The following ERC2 variants were observed in gnomAD, a reference collection of about 807,000 sequenced individuals.
ERC2 encodes ERC protein 2.
Under a neutral mutation model 114.8 loss-of-function variants are expected in ERC2, and 42 were observed. That is an observed-to-expected ratio of 0.37 (90% confidence interval 0.29 to 0.47). The LOEUF (loss-of-function observed/expected upper bound fraction) is 0.47. Ranked by LOEUF, ERC2 falls within the 20% of genes least tolerant of loss-of-function variation. The pLI is 0.99. For missense variants in ERC2, 939 were observed against 1,150.7 expected, an observed-to-expected ratio of 0.82 and a Z score of 2.66; for synonymous variants, 454 against 425.5, an observed-to-expected ratio of 1.07 and a Z score of -0.82.
intron 6 of ERC2, among the ~76,000 whole-genome samples, chr3:56,094,106 A>T (rs2077933322): frequency 1.3e-5 from 2 of 152,230 alleles, no homozygotes; most frequent in South Asian, 4.1e-4. Context: ...TTTTCTAAGA[A>T]CACATAATAA....
intron 14 of ERC2, among the ~76,000 whole-genome samples, chr3:55,787,454 A>C (rs1463319264): frequency 1.3e-5 from 2 of 152,158 alleles, no homozygotes; most frequent in Non-Finnish European, 2.9e-5. Flanking sequence ...ATTAATACCT[A>C]GTAGGGTTGT....
chr3:55,625,745 C>T (rs978589533), intron 17 of ERC2, among the ~76,000 whole-genome samples: 12 of 151,882 alleles, frequency 7.9e-5, no homozygotes, highest in East Asian at 1.9e-4. Context: ...AGCGAGACTC[C>T]GTCTCAAAAA....
At chr3:55,557,819 C>G (rs78194201) in intron 17 of ERC2, among the ~76,000 whole-genome samples, 3,920 of 152,318 alleles carry the variant, frequency 0.026, 73 homozygotes, top group South Asian at 0.078. Context: ...GAACACCACC[C>G]TTTTACCTAA....
intron 17 of ERC2, among the ~76,000 whole-genome samples, chr3:55,655,337 A>C (rs2060811258): frequency 6.6e-6 from 1 of 152,170 alleles, no homozygotes; most frequent in Non-Finnish European, 1.5e-5. Flanking sequence ...CAGGAACCCA[A>C]ACTCAGAAAA....
intron 4 of ERC2, 106 bp from the exon 5 acceptor site, chr3:56,149,238 T>C: frequency 1.9e-6 from 2 of 1,071,544 alleles, no homozygotes; most frequent in South Asian, 3.4e-5. Flanking sequence ...TGTCACATAT[T>C]AACCATGGTA....
intron 11 of ERC2, among the ~76,000 whole-genome samples, chr3:55,986,854 T>C (rs149239338): frequency 1.3e-4 from 20 of 152,140 alleles, no homozygotes; most frequent in Non-Finnish European, 1.2e-4. Flanking sequence ...CAGGCTACTA[T>C]AGGAGCACAT....
At chr3:56,010,409 G>C in intron 9 of ERC2, 40 bp downstream of exon 9, 2 of 1,601,812 alleles carry the variant, frequency 1.2e-6, no homozygotes, top group Non-Finnish European at 1.7e-6. Context: ...ATGGGTTTAT[G>C]AGGACTATCA....
chr3:55,880,979 GC>G (rs1426110616), intron 14 of ERC2, among the ~76,000 whole-genome samples: 1 of 151,972 alleles, frequency 6.6e-6, no homozygotes, highest in African/African-American at 2.4e-5. Flanking sequence ...ATCTCTGTGG[GC>G]TAGCACAACC....
At chr3:56,264,373 G>A (rs2053149630) in intron 3 of ERC2, among the ~76,000 whole-genome samples, 1 of 152,150 alleles carries the variant, frequency 6.6e-6, no homozygotes, top group Non-Finnish European at 1.5e-5. Flanking sequence ...GAGGCAGGCA[G>A]ATCACTTGAA....
intron 12 of ERC2, among the ~76,000 whole-genome samples, chr3:55,982,225 C>G (rs1344594884): frequency 6.6e-6 from 1 of 152,150 alleles, no homozygotes; most frequent in Non-Finnish European, 1.5e-5. Flanking sequence ...CAGAACTGCA[C>G]AGGTTTCCTT....
intron 17 of ERC2, among the ~76,000 whole-genome samples, chr3:55,600,798 G>A (rs549373151): frequency 1.3e-5 from 2 of 152,318 alleles, no homozygotes; most frequent in African/African-American, 2.4e-5. Flanking sequence ...CGGCCTCTGC[G>A]CCTCACCTAG....
intron 3 of ERC2, among the ~76,000 whole-genome samples, chr3:56,227,077 C>A (rs2050294339): frequency 6.6e-6 from 1 of 152,144 alleles, no homozygotes; most frequent in Admixed American, 6.5e-5. Flanking sequence ...CTAATCATTC[C>A]CCCACTGGCC....
At chr3:56,329,379 T>C (rs1277278171) in intron 2 of ERC2, among the ~76,000 whole-genome samples, 1 of 152,158 alleles carries the variant, frequency 6.6e-6, no homozygotes, top group Non-Finnish European at 1.5e-5. Context: ...GCCTTCATAA[T>C]ATCATGAGTT....
intron 2 of ERC2, among the ~76,000 whole-genome samples, chr3:56,368,915 A>G (rs1226333859): frequency 6.6e-6 from 1 of 152,218 alleles, no homozygotes; most frequent in Non-Finnish European, 1.5e-5. Context: ...TAAGGAGTCA[A>G]TTCCTGGGTT....
intron 17 of ERC2, among the ~76,000 whole-genome samples, chr3:55,628,215 G>GCAA (rs1193677205): frequency 6.6e-6 from 1 of 152,196 alleles, no homozygotes; most frequent in African/African-American, 2.4e-5. Flanking sequence ...AGAATTTTCT[G>GCAA]CAACAATGGA....
chr3:55,666,863 T>C (rs2061374555), intron 17 of ERC2, among the ~76,000 whole-genome samples: 2 of 152,166 alleles, frequency 1.3e-5, no homozygotes, highest in Non-Finnish European at 2.9e-5. Context: ...GAGGCAACTT[T>C]CGTAAACTCT....
intron 13 of ERC2, among the ~76,000 whole-genome samples, chr3:55,913,227 G>A (rs1433930957): frequency 6.6e-6 from 1 of 152,060 alleles, no homozygotes; most frequent in East Asian, 1.9e-4. Flanking sequence ...AAATAACATG[G>A]ATGTTTTCTC....
At chr3:55,769,546 T>C (rs907022068) in intron 14 of ERC2, among the ~76,000 whole-genome samples, 1 of 152,142 alleles carries the variant, frequency 6.6e-6, no homozygotes, top group Non-Finnish European at 1.5e-5. Flanking sequence ...CGATGTTAGA[T>C]AATGAATTCT....
At chr3:55,936,060 A>C (rs1039381812) in intron 13 of ERC2, among the ~76,000 whole-genome samples, 2 of 152,188 alleles carry the variant, frequency 1.3e-5, no homozygotes, top group Non-Finnish European at 2.9e-5. Context: ...ATTACCTATC[A>C]GGCACTGAAA....
Sources: allele counts gnomAD v4.1 joint callset (sites outside exome capture counted in the v4.1 genomes callset), GRCh38; gene constraint gnomAD v4.1.1; transcripts MANE v1.5; gene names NCBI Gene and HGNC (gene_info 2026-07-23, HGNC 2026-07-21).